LRRD1: variants seen among roughly 807,000 people sequenced by gnomAD.
LRRD1 encodes the protein leucine-rich repeat and death domain-containing protein 1.
A neutral mutation model predicts 69.5 loss-of-function variants in LRRD1; 49 were observed. The ratio of observed to expected loss-of-function variants is 0.70; its 90% CI spans 0.56 to 0.89. The LOEUF (loss-of-function observed/expected upper bound fraction) is 0.89. LRRD1 is among the 40% of genes least tolerant of loss of function. The pLI, the probability that LRRD1 is intolerant of heterozygous loss-of-function variation, is 0.00. For synonymous variants in LRRD1, 303 were observed against 338.9 expected (o/e 0.89, Z 1.16); for missense variants, 853 against 956.0 (o/e 0.89, Z 1.42).
At chr7:92,158,923 T>G in intron 3 of LRRD1, 82 bp downstream of exon 3, 1 of 1,085,276 alleles carries the variant, frequency 9.2e-7, no homozygotes, top group Non-Finnish European at 1.3e-6. Flanking sequence ...TTTGCCATTC[T>G]GTATCTTGTC....
chr7:92,167,643 C>T (rs1432703193), intron 1 of LRRD1, among the ~76,000 whole-genome samples: 1 of 151,284 alleles, frequency 6.6e-6, no homozygotes, highest in Non-Finnish European at 1.5e-5. Flanking sequence ...TTTGGGAGGC[C>T]GAGGCAGGCT....
intron 1 of LRRD1, among the ~76,000 whole-genome samples, chr7:92,176,332 C>A (rs1321467337): frequency 3.3e-5 from 5 of 152,148 alleles, no homozygotes; most frequent in African/African-American, 1.2e-4. Flanking sequence ...ATGTAGCAAT[C>A]TGACTAGGTT....
chr7:92,165,364 TA>T, intron 1 of LRRD1, 88 bp from the exon 2 acceptor site: 1 of 385,106 alleles, frequency 2.6e-6, no homozygotes. Flanking sequence ...TTATAAGAAA[TA>T]ATTTAATACA....
At chr7:92,170,260 G>A (rs2131018906) in intron 1 of LRRD1, among the ~76,000 whole-genome samples, 1 of 152,214 alleles carries the variant, frequency 6.6e-6, no homozygotes, top group Non-Finnish European at 1.5e-5. Context: ...TTACCTCAAA[G>A]TACCAGATCC....
downstream of LRRD1, chr7:92,142,154 G>A (rs567837815): frequency 1.6e-4 from 38 of 230,918 alleles, no homozygotes; most frequent in African/African-American, 7.3e-4. Flanking sequence ...GTGTTAGCCA[G>A]GATGGTCTCG....
chr7:92,151,107 T>C (rs549886103), intron 3 of LRRD1, among the ~76,000 whole-genome samples: 1 of 152,236 alleles, frequency 6.6e-6, no homozygotes, highest in African/African-American at 2.4e-5. Flanking sequence ...ATTTGTTTAA[T>C]CTAAGAAACC....
intron 1 of LRRD1, among the ~76,000 whole-genome samples, chr7:92,165,722 G>A (rs183333285): frequency 1.2e-3 from 177 of 152,212 alleles, no homozygotes; most frequent in Admixed American, 2.5e-3. Context: ...TTAGCTGGAT[G>A]TGGTAGCGGG....
chr7:92,143,360 C>G (rs543932904), downstream of LRRD1, among the ~76,000 whole-genome samples: 1 of 152,148 alleles, frequency 6.6e-6, no homozygotes, highest in African/African-American at 2.4e-5. Context: ...AATCCCGCAC[C>G]GTGTGCCCGC....
intron 1 of LRRD1, among the ~76,000 whole-genome samples, chr7:92,172,829 GA>G (rs572460773): frequency 3.5e-4 from 52 of 150,610 alleles, no homozygotes; most frequent in Non-Finnish European, 5.5e-4. Context: ...TCACAGAAAG[GA>G]AAAAAAAATC....
intron 4 of LRRD1, among the ~76,000 whole-genome samples, chr7:92,150,146 G>A (rs1294144804): frequency 6.6e-6 from 1 of 152,168 alleles, no homozygotes; most frequent in African/African-American, 2.4e-5. Context: ...TCCAATTAAA[G>A]CAAACCATCT....
intron 4 of LRRD1, among the ~76,000 whole-genome samples, chr7:92,148,840 C>T (rs1035718009): frequency 3.3e-5 from 5 of 151,412 alleles, no homozygotes; most frequent in African/African-American, 9.7e-5. Context: ...CTCTGCCTCC[C>T]GAGTTCAAGC....
chr7:92,177,569 T>C (rs1789225174), intron 1 of LRRD1, among the ~76,000 whole-genome samples: 1 of 145,520 alleles, frequency 6.9e-6, no homozygotes, highest in Non-Finnish European at 1.5e-5. Context: ...ACTCATGAGC[T>C]CAGCTCCTTC....
At position 92,144,899 on chromosome 7, in the gene LRRD1, T is replaced by C. The variant is rs988974476; in HGVS notation, c.2572A>G (p.Ile858Val). 1.1e-5 allele frequency: 16 copies of C among 1,488,026 alleles called. No homozygotes were observed. The highest frequency in any genetic ancestry group is 2.1e-5 in the Admixed American group (1 of 46,698). The allele number at this position is 1,488,026 out of a possible 1,614,324, so 92.2% of individuals were successfully genotyped here. ...ITALNLFTRA[I>V]KF ...TATTGATCCACTGGTTAGAATTTAA[T>C]TGCACGCGTAAAAAGATTTAAAGCT... The change falls in exon 6 of 6, where the codon ATT becomes GTT. Residue 858 changes from isoleucine to valine, a missense_variant. Ile to Val is a conservative substitution (Grantham distance 29). Around this residue, in one of 3 missense-constraint regions of LRRD1, gnomAD observed 739 missense variants for 808.0 expected, o/e 0.91. Coordinates refer to ENST00000458448, the MANE Select transcript of LRRD1 (RefSeq NM_001161528.2).
rs1788876702 is a variant in LRRD1, at chr7:92,165,003, G to A, written c.200C>T (p.Ser67Leu). Residue 67 changes from serine (S) to leucine (L), a missense_variant, in exon 2 of 6, where the codon TCA becomes TTA. Around this residue, in one of 3 missense-constraint regions of LRRD1, gnomAD observed 99 missense variants for 107.0 expected, o/e 0.92. Coordinates refer to ENST00000458448, the MANE Select transcript of LRRD1 (RefSeq NM_001161528.2). ...AGACTTCCTTCCAGAGGAAGATGTT[G>A]ACTCTAATGTATTCTGTCTAGGATG... The part of the protein sequence containing the change: ...ETHPRQNTLE[S>L]TSSSGRKSKR... 2 of 1,551,254 alleles carry A rather than the reference G, an allele frequency of 1.3e-6. No individual in the cohort carries two copies. Among genetic ancestry groups the A allele is most frequent in the Non-Finnish European group, 1.7e-6 (2 of 1,146,854 alleles).
intron 2 of LRRD1, among the ~76,000 whole-genome samples, chr7:92,162,931 A>T (rs1261393628): frequency 6.6e-6 from 1 of 152,180 alleles, no homozygotes; most frequent in Non-Finnish European, 1.5e-5. Flanking sequence ...TGCTTGTGGA[A>T]TGACTTTTGT....
At chr7:92,166,603 C>G (rs1021598508) in intron 1 of LRRD1, among the ~76,000 whole-genome samples, 38 of 152,168 alleles carry the variant, frequency 2.5e-4, no homozygotes, top group African/African-American at 8.9e-4. Context: ...GAGTCAGTTG[C>G]ATTTGTCCCA....
intron 3 of LRRD1, 117 bp downstream of exon 3, chr7:92,158,888 G>T: frequency 2.7e-6 from 2 of 746,490 alleles, no homozygotes; most frequent in South Asian, 2.0e-5. Flanking sequence ...CCTTCTAATG[G>T]TGACTTAATA....
At chr7:92,172,572 A>G (rs966240347) in intron 1 of LRRD1, among the ~76,000 whole-genome samples, 2 of 152,180 alleles carry the variant, frequency 1.3e-5, no homozygotes, top group Non-Finnish European at 2.9e-5. Context: ...AAAAATCAAG[A>G]AAGCAATCCC....
In LRRD1 at chr7:92,163,862, T is replaced by C; in HGVS notation, c.1341A>G (p.Glu447=). ...ISHLNNICSL[E]FSGNIITDVP... ...CATCTGTGATTATGTTTCCTGAAAA[T>C]TCTAGACTGCATATGTTATTAAGAT... Residue 447 remains glutamate, a synonymous_variant, in exon 2 of 6, where the codon GAA becomes GAG. Transcript: ENST00000458448. 1 of 1,509,244 alleles carries C rather than the reference T, an allele frequency of 6.6e-7. No individual in the cohort carries two copies. The highest frequency in any genetic ancestry group is 8.8e-7 in the Non-Finnish European group (1 of 1,133,564). The allele number at this position is 1,509,244 out of a possible 1,614,324, so 93.5% of individuals were successfully genotyped here.
Sources: gnomAD v4.1 joint callset for allele counts (sites outside exome capture counted in the v4.1 genomes callset) on GRCh38, gnomAD v4.1.1 for gene constraint, gnomAD v4.1.1 regional missense constraint, MANE v1.5 for transcripts, NCBI Gene and HGNC (gene_info 2026-07-23, HGNC 2026-07-21) for gene names.